The following FREM3 variants were observed in gnomAD, a reference collection of about 807,000 sequenced individuals.
FREM3 encodes the protein FRAS1-related extracellular matrix protein 3.
Under a neutral mutation model 129.1 loss-of-function variants are expected in FREM3, and 105 were observed. That is an observed-to-expected ratio of 0.81 (90% CI 0.69 to 0.96). The LOEUF is 0.96. Among genes scored for constraint, FREM3 ranks in the 40% least tolerant of loss-of-function variants. The pLI, the probability that FREM3 is intolerant of heterozygous loss-of-function variation, is 0.00. For missense variants in FREM3, 2,593 were observed against 2,666.3 expected (o/e 0.97, Z 0.61); for synonymous variants, 1,014 against 1,044.9 (o/e 0.97, Z 0.57).
At chr4:143,610,532 T>A (rs1313374741) in intron 6 of FREM3, among the ~76,000 whole-genome samples, 1 of 152,174 alleles carries the variant, frequency 6.6e-6, no homozygotes, top group African/African-American at 2.4e-5. Flanking sequence ...CCTTCTTAGG[T>A]CTGAGCTTAG....
intron 2 of FREM3, among the ~76,000 whole-genome samples, chr4:143,635,385 A>C (rs1739216324): frequency 5.9e-5 from 9 of 152,140 alleles, no homozygotes; most frequent in Admixed American, 5.9e-4. Context: ...ATGTAGTTAT[A>C]CTCTAGTGCA....
At chr4:143,621,270 C>T in intron 4 of FREM3, 108 bp from the exon 5 acceptor site, 1 of 992,704 alleles carries the variant, frequency 1.0e-6, no homozygotes, top group Non-Finnish European at 1.5e-6. Context: ...TATTTTCCAA[C>T]ATGATTAACT....
At chr4:143,598,086 C>A (rs1287930115) in intron 6 of FREM3, among the ~76,000 whole-genome samples, 1 of 152,208 alleles carries the variant, frequency 6.6e-6, no homozygotes, top group African/African-American at 2.4e-5. Context: ...ACCTAATCAC[C>A]TTCCAAAGTC....
At chr4:143,661,478 G>C (rs1215345926) in intron 2 of FREM3, among the ~76,000 whole-genome samples, 4 of 151,830 alleles carry the variant, frequency 2.6e-5, no homozygotes, top group Non-Finnish European at 4.4e-5. Context: ...ATGTGCTGCT[G>C]GATTCTGTTT....
At position 143,695,544 on chromosome 4, in the gene FREM3, C is replaced by A. The variant is rs1364067233; in HGVS notation, c.5132G>T (p.Gly1711Val). 7.2e-6 allele frequency: 11 copies of A among 1,537,442 alleles called. No homozygotes were observed. Among genetic ancestry groups the A allele is most frequent in the Non-Finnish European group, 8.7e-6 (10 of 1,146,956 alleles). The change falls in exon 1 of 8, where the codon GGC (glycine) becomes GTC (valine). Residue 1711 changes from glycine (G) to valine (V), a missense_variant. By Grantham distance (109) the Gly-to-Val change is moderately radical. Coordinates refer to ENST00000329798, the MANE Select transcript of FREM3 (RefSeq NM_001168235.2). Reference protein sequence around the residue: ...KYKVTRGPEHGFIIKTGLGNQ... With the variant: ...KYKVTRGPEHVFIIKTGLGNQ... ...TCCAAGGCCAGTTTTGATAATGAAG[C>A]CATGCTCTGGTCCTCTGGTCACTTT...
At position 143,627,759 on chromosome 4, in the gene FREM3, T is replaced by C. The variant is rs554148769; in HGVS notation, c.5277A>G (p.Gly1759=). ...DIFYFSVEDN[G]GNKLTNQPFH... is the part of the protein sequence containing the mutation. ...AAGGCTGATTTGTTAGTTTATTTCC[T>C]CCTGCAATTGATAGGGGCAAAGGAA... Residue 1759 remains glycine (G), a splice_region_variant and synonymous_variant, in exon 3 of 8, where the codon GGA becomes GGG. Transcript: ENST00000329798. 6.5e-7 allele frequency: 1 copy of C among 1,534,258 alleles called. No individual in the cohort carries two copies. Among genetic ancestry groups the C allele is most frequent in the East Asian group, 2.4e-5 (1 of 40,860 alleles).
chr4:143,654,316 T>C (rs191101260), intron 2 of FREM3, among the ~76,000 whole-genome samples: 75 of 152,292 alleles, frequency 4.9e-4, no homozygotes, highest in African/African-American at 1.7e-3. Context: ...TTGGTCAGGC[T>C]GGTCTTGGAA....
intron 7 of FREM3, among the ~76,000 whole-genome samples, chr4:143,584,212 A>T (rs1047512237): frequency 6.6e-6 from 1 of 152,110 alleles, no homozygotes. Context: ...GATCGAGACC[A>T]TCCTGGCTAA....
At chr4:143,686,333 C>T (rs1740363031) in intron 2 of FREM3, among the ~76,000 whole-genome samples, 1 of 152,062 alleles carries the variant, frequency 6.6e-6, no homozygotes, top group Non-Finnish European at 1.5e-5. Flanking sequence ...AAAGCAATTA[C>T]TAATAGACCT....
chr4:143,584,719 A>T (rs1313285698), intron 7 of FREM3, among the ~76,000 whole-genome samples: 1 of 152,186 alleles, frequency 6.6e-6, no homozygotes, highest in Non-Finnish European at 1.5e-5. Context: ...TAGACAGACC[A>T]TCAAGGCAGA....
chr4:143,661,450 T>C (rs903166743), intron 2 of FREM3, among the ~76,000 whole-genome samples: 9 of 152,002 alleles, frequency 5.9e-5, no homozygotes, highest in Non-Finnish European at 1.3e-4. Flanking sequence ...CACTTGATCA[T>C]GGTGGATAAG....
chr4:143,604,004 G>GTT (rs1437121255), intron 6 of FREM3, among the ~76,000 whole-genome samples: 1 of 152,216 alleles, frequency 6.6e-6, no homozygotes, highest in East Asian at 1.9e-4. Flanking sequence ...GGTGGAAAGT[G>GTT]TTTGGGTCAG....
intron 6 of FREM3, among the ~76,000 whole-genome samples, chr4:143,594,324 C>T: frequency 6.6e-6 from 1 of 152,188 alleles, no homozygotes; most frequent in East Asian, 1.9e-4. Context: ...GTCGCTCACG[C>T]TGGGAGCTGT....
At chr4:143,662,609 C>T (rs1256212657) in intron 2 of FREM3, among the ~76,000 whole-genome samples, 1 of 151,482 alleles carries the variant, frequency 6.6e-6, no homozygotes, top group Non-Finnish European at 1.5e-5. Flanking sequence ...CCGCTTGGTG[C>T]AGAGCTGAGT....
chr4:143,646,774 G>A (rs1490916628), intron 2 of FREM3, among the ~76,000 whole-genome samples: 1 of 152,184 alleles, frequency 6.6e-6, no homozygotes, highest in Non-Finnish European at 1.5e-5. Flanking sequence ...CAGTAAATTT[G>A]ATACTGCAGA....
chr4:143,666,841 G>A (rs6815892), intron 2 of FREM3, among the ~76,000 whole-genome samples: 82,284 of 151,570 alleles, frequency 0.54, 23,410 homozygotes, highest in East Asian at 0.71. Context: ...CCACTGAATT[G>A]TATACCTAAG....
intron 2 of FREM3, among the ~76,000 whole-genome samples, chr4:143,675,595 T>A (rs184974418): frequency 0.011 from 1,722 of 152,076 alleles, 23 homozygotes; most frequent in Middle Eastern, 0.051. Context: ...AATCAATGGA[T>A]CCAGGAGCTG....
chr4:143,682,597 T>C (rs1286515812), intron 2 of FREM3, among the ~76,000 whole-genome samples: 1 of 152,236 alleles, frequency 6.6e-6, no homozygotes, highest in African/African-American at 2.4e-5. Flanking sequence ...TTTTGTTCTT[T>C]TGTTGCATCA....
intron 6 of FREM3, among the ~76,000 whole-genome samples, chr4:143,597,426 A>G (rs1035442994): frequency 6.6e-6 from 1 of 152,240 alleles, no homozygotes; most frequent in African/African-American, 2.4e-5. Flanking sequence ...GCTTAGATAA[A>G]CACAGTTTTT....
Sources: gnomAD v4.1 joint callset for allele counts (sites outside exome capture counted in the v4.1 genomes callset) on GRCh38, gnomAD v4.1.1 for gene constraint, MANE v1.5 for transcripts, NCBI Gene and HGNC (gene_info 2026-07-23, HGNC 2026-07-21) for gene names.